BEND2: variants seen among roughly 807,000 people sequenced by gnomAD.
BEND2 encodes BEN domain containing 2.
Under a neutral mutation model 43.8 loss-of-function variants are expected in BEND2, and 19 were observed. The observed-to-expected ratio is 0.43, with a 90% confidence interval of 0.30 to 0.64. The LOEUF is 0.64. Ranked by LOEUF, BEND2 falls within the 30% of genes least tolerant of loss-of-function variation. The pLI, the probability that BEND2 is intolerant of heterozygous loss-of-function variation, is 0.11. For missense variants in BEND2, 544 were observed against 574.0 expected, an observed-to-expected ratio of 0.95 and a Z score of 0.53; for synonymous variants, 226 against 210.1, an observed-to-expected ratio of 1.08 and a Z score of -0.66.
intron 8 of BEND2, among the ~76,000 whole-genome samples, chrX:18,188,632 A>G (rs1924652451): frequency 8.9e-6 from 1 of 111,893 alleles, no homozygotes; most frequent in East Asian, 2.8e-4. Context: ...TGAAGCCATA[A>G]TAGAATTCTC....
At chrX:18,194,919 A>C (rs751233208) in intron 7 of BEND2, among the ~76,000 whole-genome samples, 1 of 108,977 alleles carries the variant, frequency 9.2e-6, no homozygotes, top group South Asian at 4.1e-4. Context: ...CTCTACCTTG[A>C]CTGTGGTGGT....
chrX:18,217,020 C>T (rs950337002), intron 1 of BEND2, among the ~76,000 whole-genome samples: 8 of 112,309 alleles, frequency 7.1e-5, no homozygotes, highest in Non-Finnish European at 1.3e-4. Context: ...GAAATGTGGC[C>T]AGCTGGCCCA....
In BEND2 at chrX:18,216,621, G is replaced by A. The variant is rs778711111; in HGVS notation, c.138C>T (p.Ser46=). ...DNSTNDIADD[S]TYVTADNPTD... ...TGGGATTATCTGCTGTGACATAAGT[G>A]GAATCATCTGCTATGTCATTAGTGG... The change falls in exon 2 of 14, where the codon TCC becomes TCT. Residue 46 remains serine (S), a synonymous_variant. Coordinates refer to ENST00000380033, the MANE Select transcript of BEND2 (RefSeq NM_153346.5). The A allele has an allele frequency of 8.3e-7, 1 of 1,207,189 alleles. No individual in the cohort carries two copies. Among genetic ancestry groups the A allele is most frequent in the South Asian group, 1.8e-5 (1 of 56,878 alleles).
At chrX:18,168,203 T>C (rs926422627) in intron 13 of BEND2, among the ~76,000 whole-genome samples, 1 of 111,938 alleles carries the variant, frequency 8.9e-6, no homozygotes, top group Non-Finnish European at 1.9e-5. Flanking sequence ...CCTGCCTGAA[T>C]GGAGCAGCCC....
intron 11 of BEND2, 115 bp from the exon 12 acceptor site, chrX:18,174,373 A>AG: frequency 1.6e-6 from 1 of 622,431 alleles, no homozygotes; most frequent in East Asian, 3.5e-5. Flanking sequence ...ACTCTTTAAA[A>AG]GGTGGGCTGA....
intron 1 of BEND2, among the ~76,000 whole-genome samples, chrX:18,219,496 G>A (rs1223891802): frequency 8.9e-6 from 1 of 112,928 alleles, no homozygotes; most frequent in Non-Finnish European, 1.9e-5. Flanking sequence ...ATAAAACAGC[G>A]AAGCTGCACA....
rs1419012004 is a variant in BEND2 at position 18,203,849 on chromosome X, T to G, written c.559A>C (p.Thr187Pro). 1 of 1,210,232 alleles carries G rather than the reference T, an allele frequency of 8.3e-7. No individual in the cohort carries two copies. Residue 187 changes from threonine to proline, a missense_variant, in exon 5 of 14, where the codon ACA becomes CCA. Thr to Pro is a conservative substitution (Grantham distance 38, BLOSUM62 -1). Around this residue, in one of 2 missense-constraint regions of BEND2, gnomAD observed 501 missense variants for 501.6 expected, o/e 1.00. Coordinates refer to ENST00000380033, the MANE Select transcript of BEND2 (RefSeq NM_153346.5). ...TGACATGCTGCTGACTCAAGAGATG[T>G]TACAGCAGGGCTGGCCCAGGCATGG... ...ETHAWASPAV[T>P]SLESAACHEL... is the part of the protein sequence containing the mutation.
At chrX:18,197,624 T>C (rs1212004211) in intron 6 of BEND2, among the ~76,000 whole-genome samples, 1 of 110,859 alleles carries the variant, frequency 9.0e-6, no homozygotes, top group African/African-American at 3.3e-5. Flanking sequence ...ATTGGGTAAT[T>C]CATTGTCTGA....
rs199518926 is a variant in BEND2, at chrX:18,203,567, G to A, written c.841C>T (p.Leu281=). 1 of 1,209,694 alleles carries A rather than the reference G, an allele frequency of 8.3e-7. No individual in the cohort carries two copies. Among genetic ancestry groups the A allele is most frequent in the East Asian group, 3.0e-5 (1 of 33,753 alleles). The change falls in exon 5 of 14, where the codon CTA becomes TTA. Residue 281 remains leucine, a synonymous_variant. Transcript: ENST00000380033. The stretch of plus-strand genomic sequence containing the variant: ...GGGCCCACATTTTCATTTTCTGGTA[G>A]AGCAGAGTAATTCACCACACCAGGG... The part of the protein sequence containing the change: ...NNPGVVNYSA[L]PENENVGPGR...
At chrX:18,189,668 C>G (rs1924691374) in intron 8 of BEND2, among the ~76,000 whole-genome samples, 1 of 111,688 alleles carries the variant, frequency 9.0e-6, no homozygotes, top group Non-Finnish European at 1.9e-5. Context: ...CATAAAAAAG[C>G]AAACATTACT....
Position 18,212,565 on chromosome X carries a change from C to T in BEND2, c.492G>A (p.Glu164=). The change falls in exon 4 of 14, where the codon GAG becomes GAA. Residue 164 remains glutamate, a splice_region_variant and synonymous_variant. Transcript: ENST00000380033. ...FPKRGRFYTP[E]VQSSISPPAE... ...TTAATAAACAAACCATAATATCTAC[C>T]TCTGGAGTATAGAATCTTCCTCTTT... is the stretch of plus-strand genomic sequence containing the variant. 1 of 1,131,209 alleles carries T rather than the reference C, an allele frequency of 8.8e-7. No homozygotes were observed. Among genetic ancestry groups the T allele is most frequent in the Non-Finnish European group, 1.2e-6 (1 of 824,254 alleles). 93.2% of individuals were successfully genotyped at this position (1,131,209 alleles called of 1,213,427 possible).
chrX:18,219,703 C>A (rs1485376138), intron 1 of BEND2, among the ~76,000 whole-genome samples: 1 of 111,679 alleles, frequency 9.0e-6, no homozygotes, highest in Non-Finnish European at 1.9e-5. Flanking sequence ...CCCAGGAGTT[C>A]GAGACCAGTG....
At chrX:18,206,807 G>C (rs1178668624) in intron 4 of BEND2, among the ~76,000 whole-genome samples, 1 of 111,561 alleles carries the variant, frequency 9.0e-6, no homozygotes, top group African/African-American at 3.3e-5. Context: ...GGTAGGCCGG[G>C]GACTGCCAAC....
At chrX:18,215,962 T>C (rs1324468147) in intron 2 of BEND2, among the ~76,000 whole-genome samples, 1 of 112,169 alleles carries the variant, frequency 8.9e-6, no homozygotes, top group East Asian at 2.8e-4. Flanking sequence ...GCTATAGCAG[T>C]TCTGGTTGCA....
intron 10 of BEND2, 74 bp from the exon 11 acceptor site, chrX:18,176,167 AAC>A (rs1924145016): frequency 1.0e-6 from 1 of 987,185 alleles, no homozygotes; most frequent in African/African-American, 2.0e-5. Flanking sequence ...TTTTTCTTTA[AAC>A]ACTGACTTTT....
chrX:18,177,879 G>A (rs191587163), intron 9 of BEND2, 110 bp from the exon 10 acceptor site: 1 of 696,459 alleles, frequency 1.4e-6, no homozygotes, highest in Non-Finnish European at 2.1e-6. Context: ...TTCAAATAAG[G>A]CAAATGCAGA....
intron 7 of BEND2, among the ~76,000 whole-genome samples, chrX:18,193,069 C>A (rs1020181052): frequency 1.8e-5 from 2 of 112,186 alleles, no homozygotes; most frequent in African/African-American, 6.5e-5. Flanking sequence ...GTAATCCCAG[C>A]ACTTTGGGAG....
At chrX:18,204,610 G>A (rs781213596) in intron 4 of BEND2, among the ~76,000 whole-genome samples, 1 of 111,820 alleles carries the variant, frequency 8.9e-6, no homozygotes, top group African/African-American at 3.2e-5. Context: ...TTAACTGCTA[G>A]ACACAACAAA....
chrX:18,209,059 A>G (rs1925428145), intron 4 of BEND2, among the ~76,000 whole-genome samples: 1 of 112,130 alleles, frequency 8.9e-6, no homozygotes, highest in Non-Finnish European at 1.9e-5. Flanking sequence ...TCAAAAGGCC[A>G]TGGGAATCAA....
Sources: allele counts gnomAD v4.1 joint callset (sites outside exome capture counted in the v4.1 genomes callset), GRCh38; gene constraint gnomAD v4.1.1; regional missense constraint gnomAD v4.1.1; transcripts MANE v1.5; gene names NCBI Gene and HGNC (gene_info 2026-07-23, HGNC 2026-07-21).